GLRB: variants seen among roughly 807,000 people sequenced by gnomAD.
GLRB encodes the protein glycine receptor subunit beta.
A neutral mutation model predicts 54.2 loss-of-function variants in GLRB; 33 were observed. The ratio of observed to expected loss-of-function variants is 0.61; its 90% CI spans 0.46 to 0.81. GLRB has a LOEUF of 0.81. GLRB is among the 40% of genes least tolerant of loss of function. GLRB has a pLI of 0.00. For synonymous variants in GLRB, 209 were observed against 208.2 expected, an observed-to-expected ratio of 1.00 and a Z score of -0.03; for missense variants, 572 against 584.6, an observed-to-expected ratio of 0.98 and a Z score of 0.22.
rs376097077 is a variant in GLRB, at chr4:157,143,937, G to C, written c.882G>C (p.Ala294=). The part of the protein sequence containing the change: ...SWLSFWINPD[A]SAARVPLGIF... ...TTTCCTTCTGGATCAACCCGGACGCGAGTGCTGCCAGAGTGCCCCTGGGTA... is the reference window on the plus strand; with the variant it reads ...TTTCCTTCTGGATCAACCCGGACGCCAGTGCTGCCAGAGTGCCCCTGGGTA... The change falls in exon 8 of 10, where the codon GCG becomes GCC. Residue 294 remains alanine, a synonymous_variant. Transcript: ENST00000264428. 6.2e-7 allele frequency: 1 copy of C among 1,614,032 alleles called. No homozygotes were observed. The highest frequency in any genetic ancestry group is 1.3e-5 in the African/African-American group (1 of 75,034).
chr4:157,080,889 G>A (rs1734196545), intron 2 of GLRB, among the ~76,000 whole-genome samples: 1 of 151,906 alleles, frequency 6.6e-6, no homozygotes, highest in Non-Finnish European at 1.5e-5. Context: ...CAGTTTTACT[G>A]TTATAACAAC....
intron 2 of GLRB, among the ~76,000 whole-genome samples, chr4:157,111,107 G>A (rs891566000): frequency 2.6e-5 from 4 of 151,924 alleles, no homozygotes; most frequent in African/African-American, 7.2e-5. Flanking sequence ...GTGGTCTAGT[G>A]TATACTGGGC....
At chr4:157,108,554 A>G (rs577383143) in intron 2 of GLRB, among the ~76,000 whole-genome samples, 2 of 152,228 alleles carry the variant, frequency 1.3e-5, no homozygotes, top group African/African-American at 4.8e-5. Context: ...ATGTGACTGA[A>G]TTGTTGCAAT....
chr4:157,095,084 A>T (rs143538330), intron 2 of GLRB, among the ~76,000 whole-genome samples: 260 of 152,310 alleles, frequency 1.7e-3, no homozygotes, highest in African/African-American at 6.1e-3. Context: ...TGGCTACAGG[A>T]AGGCCATGGA....
At position 157,162,151 on chromosome 4, in the gene GLRB, G is replaced by A. The variant is rs191442965; in HGVS notation, c.1198-8281G>A. On this transcript the variant is annotated intron_variant, in intron 9 of 9. Coordinates refer to ENST00000264428, the MANE Select transcript of GLRB (RefSeq NM_000824.5). Reference sequence around the variant, plus strand: ...CGACTGAAGCTTGTGAATGCATCACGTAGTTCTCGTGCCATGGTTTTCAGC... The same window carrying A: ...CGACTGAAGCTTGTGAATGCATCACATAGTTCTCGTGCCATGGTTTTCAGC... Among the ~76,000 whole-genome samples, 42 of 152,288 alleles carry A rather than the reference G, an allele frequency of 2.8e-4. No individual in the cohort carries two copies. The East Asian group carries it at 4.6e-3, about 17-fold the overall frequency.
intron 7 of GLRB, among the ~76,000 whole-genome samples, chr4:157,140,196 TG>T: frequency 6.6e-6 from 1 of 151,920 alleles, no homozygotes; most frequent in Non-Finnish European, 1.5e-5. Flanking sequence ...AAGTAAAAAA[TG>T]GAGAGCTATT....
intron 4 of GLRB, among the ~76,000 whole-genome samples, chr4:157,130,663 G>A (rs1427672706): frequency 6.6e-6 from 1 of 151,602 alleles, no homozygotes; most frequent in East Asian, 1.9e-4. Flanking sequence ...ATGGACATGG[G>A]TTATTTTCAG....
At chr4:157,105,099 T>C (rs1328043481) in intron 2 of GLRB, among the ~76,000 whole-genome samples, 1 of 151,782 alleles carries the variant, frequency 6.6e-6, no homozygotes, top group Admixed American at 6.6e-5. Context: ...TTTTTTTTCT[T>C]TTTCTAGTTA....
chr4:157,160,849 C>A (rs1056069813), intron 9 of GLRB, among the ~76,000 whole-genome samples: 1 of 152,054 alleles, frequency 6.6e-6, no homozygotes, highest in Admixed American at 6.6e-5. Context: ...CTATTAGGCC[C>A]ACTTGGTGCA....
intron 9 of GLRB, among the ~76,000 whole-genome samples, chr4:157,162,232 C>G (rs762585006): frequency 6.6e-6 from 1 of 152,244 alleles, no homozygotes; most frequent in African/African-American, 2.4e-5. Context: ...AACCATTCAT[C>G]TCGTCTTTTT....
At chr4:157,095,752 T>G (rs989929732) in intron 2 of GLRB, among the ~76,000 whole-genome samples, 2 of 152,268 alleles carry the variant, frequency 1.3e-5, no homozygotes, top group East Asian at 3.9e-4. Context: ...GAACTCATAC[T>G]GGAGAAGTAA....
intron 9 of GLRB, among the ~76,000 whole-genome samples, chr4:157,159,920 C>T (rs925731313): frequency 6.6e-6 from 1 of 152,182 alleles, no homozygotes; most frequent in African/African-American, 2.4e-5. Flanking sequence ...ACCAACTCCT[C>T]TTTGTACCTC....
At chr4:157,155,532 G>T (rs1402325171) in intron 9 of GLRB, among the ~76,000 whole-genome samples, 2 of 152,136 alleles carry the variant, frequency 1.3e-5, no homozygotes. Flanking sequence ...CATTGTTGAA[G>T]GATATTTTCT....
In GLRB at chr4:157,152,073, C is replaced by T. The variant is rs560252787; in HGVS notation, c.905-645C>T. Among the ~76,000 whole-genome samples the T allele has an allele frequency of 2.4e-4, 36 of 152,244 alleles. 1 individual carries two copies. Among genetic ancestry groups the T allele is most frequent in the African/African-American group, 8.7e-4 (36 of 41,552 alleles). On this transcript the variant is annotated intron_variant, in intron 8 of 9. Coordinates refer to ENST00000264428, the MANE Select transcript of GLRB (RefSeq NM_000824.5). ...AGAGCAATAAATTATTGCAATTCTT[C>T]TTTGGAGTCTGACAATTACTTGACT... is the stretch of plus-strand genomic sequence containing the variant.
intron 9 of GLRB, among the ~76,000 whole-genome samples, chr4:157,160,384 G>A (rs1409069366): frequency 1.3e-5 from 2 of 151,994 alleles, no homozygotes; most frequent in African/African-American, 2.4e-5. Flanking sequence ...GCTTTTGAAT[G>A]TTTTTGCTCT....
chr4:157,092,468 T>C (rs2126455337), intron 2 of GLRB, among the ~76,000 whole-genome samples: 1 of 152,332 alleles, frequency 6.6e-6, no homozygotes, highest in Non-Finnish European at 1.5e-5. Context: ...TTCAAAGTGG[T>C]TTTGCATGTT....
intron 7 of GLRB, among the ~76,000 whole-genome samples, chr4:157,139,881 T>A (rs921046739): frequency 1.3e-5 from 2 of 151,956 alleles, no homozygotes; most frequent in African/African-American, 4.8e-5. Context: ...AGAGATCAGA[T>A]GTTTGTAGAA....
rs1737917047 is a variant in GLRB, at chr4:157,171,380, A to AACTGTAT, written c.*657_*663dup. 6.6e-6 allele frequency: 1 copy of AACTGTAT among 152,396 alleles called. No homozygotes were observed. Among genetic ancestry groups the AACTGTAT allele is most frequent in the South Asian group, 2.1e-4 (1 of 4,830 alleles). 9.4% of individuals were successfully genotyped at this position (152,396 alleles called of 1,614,324 possible). On this transcript the variant is annotated 3_prime_UTR_variant, in exon 10 of 10. Transcript: ENST00000264428. Reference sequence around the variant, plus strand: ...AACAAAGGGAAACCTATATTTATGTAACTGTATACTGAATTCTGACAAAAT... The same window carrying AACTGTAT: ...AACAAAGGGAAACCTATATTTATGTAACTGTATACTGTATACTGAATTCTGACAAAAT...
In GLRB at chr4:157,143,965, G is replaced by T; in HGVS notation, c.904+6G>T. On this transcript the variant is annotated splice_donor_region_variant and intron_variant, in intron 8 of 9. Coordinates refer to ENST00000264428, the MANE Select transcript of GLRB (RefSeq NM_000824.5). ...TGCTGCCAGAGTGCCCCTGGGTAAG[G>T]TGTTCCATGCTTTTTTGTCACATCA... 6.2e-7 allele frequency: 1 copy of T among 1,613,452 alleles called. No homozygotes were observed. Among genetic ancestry groups the T allele is most frequent in the Non-Finnish European group, 8.5e-7 (1 of 1,179,582 alleles).
Sources: gnomAD v4.1 joint callset for allele counts (sites outside exome capture counted in the v4.1 genomes callset) on GRCh38, gnomAD v4.1.1 for gene constraint, MANE v1.5 for transcripts, NCBI Gene and HGNC (gene_info 2026-07-23, HGNC 2026-07-21) for gene names.